PAK1: variants seen among roughly 807,000 people sequenced by gnomAD.
PAK1 encodes the protein p21 (RAC1) activated kinase 1, also known as serine/threonine-protein kinase PAK 1.
PAK1 carries 29 observed loss-of-function variants against 67.4 expected under a neutral mutation model. That is an observed-to-expected ratio of 0.43 (90% CI 0.32 to 0.59). The LOEUF (loss-of-function observed/expected upper bound fraction) is 0.59, where lower values mean the gene tolerates loss of function less well. Ranked by LOEUF, PAK1 falls within the 20% of genes least tolerant of loss-of-function variation. PAK1 has a pLI of 0.07. For synonymous variants in PAK1, 223 were observed against 237.4 expected, an observed-to-expected ratio of 0.94 and a Z score of 0.56; for missense variants, 337 against 670.7, an observed-to-expected ratio of 0.50 and a Z score of 5.50.
chr11:77,410,306 T>C (rs1954312387), intron 1 of PAK1, among the ~76,000 whole-genome samples: 1 of 152,096 alleles, frequency 6.6e-6, no homozygotes, highest in Non-Finnish European at 1.5e-5. Flanking sequence ...ACTGCCTACC[T>C]GCTTGCTGCC....
chr11:77,465,821 G>A (rs963450107), intron 1 of PAK1, among the ~76,000 whole-genome samples: 1 of 152,104 alleles, frequency 6.6e-6, no homozygotes, highest in African/African-American at 2.4e-5. Context: ...TTAGTAGCAT[G>A]CCCCTGTGGT....
At chr11:77,364,660 G>T (rs944571984) in intron 5 of PAK1, among the ~76,000 whole-genome samples, 8 of 152,036 alleles carry the variant, frequency 5.3e-5, no homozygotes, top group African/African-American at 1.7e-4. Context: ...ATAAGACATG[G>T]AAAGAAACAG....
At chr11:77,392,839 C>T (rs1484211213) in intron 1 of PAK1, among the ~76,000 whole-genome samples, 5 of 152,186 alleles carry the variant, frequency 3.3e-5, no homozygotes, top group Non-Finnish European at 7.4e-5. Flanking sequence ...CTAGCAAAAA[C>T]TAAGTGTGAA....
the PAK1 span, among the ~76,000 whole-genome samples, chr11:77,525,657 A>G: frequency 2.0e-5 from 3 of 152,200 alleles, no homozygotes; most frequent in African/African-American, 7.2e-5. Flanking sequence ...AGATGATGGG[A>G]GGGCTCCATA....
chr11:77,325,823 G>A (rs558262267), intron 14 of PAK1, among the ~76,000 whole-genome samples: 2 of 152,296 alleles, frequency 1.3e-5, no homozygotes, highest in Non-Finnish European at 2.9e-5. Context: ...GACATGCTAA[G>A]TATGTTCCAG....
At chr11:77,373,006 C>T (rs1011917778) in intron 5 of PAK1, among the ~76,000 whole-genome samples, 6 of 152,162 alleles carry the variant, frequency 3.9e-5, no homozygotes, top group Non-Finnish European at 8.8e-5. Context: ...TAGCATGCTG[C>T]ACTATAATTG....
intron 4 of PAK1, among the ~76,000 whole-genome samples, chr11:77,378,830 C>T (rs941583140): frequency 6.6e-6 from 1 of 152,200 alleles, no homozygotes; most frequent in African/African-American, 2.4e-5. Flanking sequence ...TCAAGCGATC[C>T]TCTTGCCTTG....
At chr11:77,455,066 T>C (rs946605244) in intron 1 of PAK1, among the ~76,000 whole-genome samples, 1 of 152,170 alleles carries the variant, frequency 6.6e-6, no homozygotes, top group East Asian at 1.9e-4. Context: ...TCAGCCAATT[T>C]ACTACCATGA....
the PAK1 span, among the ~76,000 whole-genome samples, chr11:77,482,428 A>G: frequency 1.3e-5 from 2 of 152,336 alleles, no homozygotes; most frequent in Admixed American, 6.5e-5. Flanking sequence ...AAAGATATAT[A>G]TAAATTTAGC....
At chr11:77,404,055 G>A (rs990991129) in intron 1 of PAK1, among the ~76,000 whole-genome samples, 1 of 152,070 alleles carries the variant, frequency 6.6e-6, no homozygotes, top group Non-Finnish European at 1.5e-5. Flanking sequence ...CAGCAAGAAG[G>A]CCCTCACCAG....
chr11:77,449,432 A>G (rs150345084), intron 1 of PAK1, among the ~76,000 whole-genome samples: 21 of 152,322 alleles, frequency 1.4e-4, no homozygotes, highest in African/African-American at 5.1e-4. Flanking sequence ...ATTCAGTTCA[A>G]CATCTCACTG....
At chr11:77,446,920 G>A (rs911298376) in intron 1 of PAK1, among the ~76,000 whole-genome samples, 3 of 151,486 alleles carry the variant, frequency 2.0e-5, no homozygotes, top group Non-Finnish European at 4.4e-5. Flanking sequence ...CAAAAAAGGA[G>A]AGCAAAAGAA....
At chr11:77,408,685 G>A (rs540658978) in intron 1 of PAK1, among the ~76,000 whole-genome samples, 6 of 152,022 alleles carry the variant, frequency 3.9e-5, no homozygotes, top group African/African-American at 9.7e-5. Context: ...GTTGATTAAC[G>A]AAGTGGAGAC....
At chr11:77,388,104 T>G (rs1950674576) in intron 2 of PAK1, among the ~76,000 whole-genome samples, 1 of 152,238 alleles carries the variant, frequency 6.6e-6, no homozygotes, top group Admixed American at 6.5e-5. Flanking sequence ...CAAGAACTTC[T>G]TATAACTCTG....
intron 1 of PAK1, among the ~76,000 whole-genome samples, chr11:77,448,188 T>C (rs1479146189): frequency 6.6e-6 from 1 of 152,192 alleles, no homozygotes; most frequent in Non-Finnish European, 1.5e-5. Context: ...AATTACCTCA[T>C]ATGTAAAATG....
intron 9 of PAK1, among the ~76,000 whole-genome samples, chr11:77,348,050 C>A (rs1239989631): frequency 2.6e-5 from 4 of 152,114 alleles, no homozygotes; most frequent in Non-Finnish European, 4.4e-5. Context: ...CTAGGTGGAG[C>A]CTTAATATTT....
intron 1 of PAK1, among the ~76,000 whole-genome samples, chr11:77,466,745 C>A (rs1373468176): frequency 1.3e-5 from 2 of 152,172 alleles, no homozygotes. Flanking sequence ...TTACCTGATT[C>A]CCTACCACAC....
chr11:77,338,901 T>C (rs1203234513), intron 11 of PAK1, among the ~76,000 whole-genome samples: 1 of 152,044 alleles, frequency 6.6e-6, no homozygotes, highest in Non-Finnish European at 1.5e-5. Context: ...AATAGATTAG[T>C]GGTTACATAG....
At chr11:77,409,133 A>G (rs1215345946) in intron 1 of PAK1, among the ~76,000 whole-genome samples, 1 of 152,076 alleles carries the variant, frequency 6.6e-6, no homozygotes, top group South Asian at 2.1e-4. Context: ...TTAGCCAGGC[A>G]TGCTGACATG....
Sources: allele counts gnomAD v4.1 joint callset (sites outside exome capture counted in the v4.1 genomes callset), GRCh38; gene constraint gnomAD v4.1.1; transcripts MANE v1.5; gene names NCBI Gene and HGNC (gene_info 2026-07-23, HGNC 2026-07-21).